The following SHCBP1 variants were observed in gnomAD, a reference collection of about 807,000 sequenced individuals.
SHCBP1 encodes the protein SHC SH2 domain-binding protein 1.
In SHCBP1, 60 loss-of-function variants were observed where a neutral mutation model predicts 75.1. The observed-to-expected ratio is 0.80, with a 90% CI of 0.65 to 0.99. SHCBP1 has a LOEUF of 0.99. SHCBP1 is among the 50% of genes least tolerant of loss of function. The pLI is 0.00. For synonymous variants in SHCBP1, 290 were observed against 293.2 expected, an observed-to-expected ratio of 0.99 and a Z score of 0.11; for missense variants, 709 against 809.4, an observed-to-expected ratio of 0.88 and a Z score of 1.50.
intron 4 of SHCBP1, among the ~76,000 whole-genome samples, chr16:46,615,336 T>C (rs534118122): frequency 6.6e-6 from 1 of 152,308 alleles, no homozygotes; most frequent in East Asian, 1.9e-4. Context: ...TTTTTGACTA[T>C]GTAGGGGTGG....
intron 8 of SHCBP1, 30 bp from the exon 9 acceptor site, chr16:46,599,992 ATGGG>A (rs748694786): frequency 6.2e-7 from 1 of 1,609,272 alleles, no homozygotes; most frequent in East Asian, 2.2e-5. Flanking sequence ...AACACTCAAG[ATGGG>A]TGAGGAAAAA....
At chr16:46,609,816 T>G (rs768284639) in intron 4 of SHCBP1, among the ~76,000 whole-genome samples, 2 of 152,068 alleles carry the variant, frequency 1.3e-5, no homozygotes, top group Non-Finnish European at 2.9e-5. Flanking sequence ...ATCCTAAACA[T>G]ATACAACAAC....
At chr16:46,591,432 C>A (rs1308123899) in intron 10 of SHCBP1, among the ~76,000 whole-genome samples, 1 of 152,078 alleles carries the variant, frequency 6.6e-6, no homozygotes, top group Admixed American at 6.6e-5. Context: ...CAGAGACAGA[C>A]ATAATCATAA....
intron 4 of SHCBP1, among the ~76,000 whole-genome samples, chr16:46,611,891 C>A (rs979603303): frequency 2.0e-5 from 3 of 152,298 alleles, no homozygotes; most frequent in African/African-American, 7.2e-5. Context: ...CTGTCTAGAA[C>A]CTTTATTTCA....
intron 10 of SHCBP1, chr16:46,584,299 CCACACACA>C (rs71158873): frequency 0.093 from 22,226 of 239,082 alleles, 221 homozygotes; most frequent in East Asian, 0.22. Flanking sequence ...ATTTTCAAAA[CCACACACA>C]CACACACACA....
At chr16:46,591,118 G>A (rs1416942894) in intron 10 of SHCBP1, among the ~76,000 whole-genome samples, 1 of 152,146 alleles carries the variant, frequency 6.6e-6, no homozygotes, top group Non-Finnish European at 1.5e-5. Flanking sequence ...ATTGAACAAT[G>A]AGAACACTTG....
At chr16:46,584,137 G>A (rs1260807144) in intron 10 of SHCBP1, 48 bp from the exon 11 acceptor site, 5 of 1,343,288 alleles carry the variant, frequency 3.7e-6, no homozygotes, top group Non-Finnish European at 5.2e-6. Flanking sequence ...TAAAAGGCAA[G>A]ACTATAAGAG....
chr16:46,600,996 ACT>A (rs1205713525), intron 8 of SHCBP1, among the ~76,000 whole-genome samples: 4 of 131,382 alleles, frequency 3.0e-5, no homozygotes, highest in South Asian at 4.8e-4. Flanking sequence ...GGTGACAGTG[ACT>A]CTGTCTCAAA....
At chr16:46,607,364 T>G (rs1490334943) in intron 5 of SHCBP1, among the ~76,000 whole-genome samples, 3 of 152,122 alleles carry the variant, frequency 2.0e-5, no homozygotes, top group Non-Finnish European at 2.9e-5. Flanking sequence ...AAAAAAGTTG[T>G]CTTCCTCCTT....
chr16:46,620,423 TTCC>T (rs1449063470), intron 1 of SHCBP1: 3 of 152,214 alleles, frequency 2.0e-5, no homozygotes, highest in Non-Finnish European at 4.4e-5. Context: ...TTTCTGAAAC[TTCC>T]TCTTTTTTAG....
chr16:46,614,021 A>G (rs1226701392), intron 4 of SHCBP1, among the ~76,000 whole-genome samples: 3 of 152,172 alleles, frequency 2.0e-5, no homozygotes, highest in African/African-American at 4.8e-5. Context: ...TAGCTCCCTG[A>G]TTCCTAATTT....
At chr16:46,617,102 G>C (rs192974496) in intron 3 of SHCBP1, among the ~76,000 whole-genome samples, 2 of 152,310 alleles carry the variant, frequency 1.3e-5, no homozygotes, top group African/African-American at 4.8e-5. Flanking sequence ...CTAGTGAGAA[G>C]AAGAATAAGA....
chr16:46,581,680 G>A lies in SHCBP1; in HGVS notation c.*49C>T. ...TACAATGGCAGCAGTGATTCTTAGGGCAGCATGTGCAAAATCCAGTATTTT... is the reference window on the plus strand; with the variant it reads ...TACAATGGCAGCAGTGATTCTTAGGACAGCATGTGCAAAATCCAGTATTTT... On this transcript the variant is annotated 3_prime_UTR_variant, in exon 13 of 13. Coordinates refer to ENST00000303383, the MANE Select transcript of SHCBP1 (RefSeq NM_024745.5). 6.7e-7 allele frequency: 1 copy of A among 1,500,152 alleles called. No homozygotes were observed. Among genetic ancestry groups the A allele is most frequent in the South Asian group, 1.2e-5 (1 of 80,308 alleles). The allele number at this position is 1,500,152 out of a possible 1,614,324, so 92.9% of individuals were successfully genotyped here.
chr16:46,603,938 A>G (rs1187511849), intron 7 of SHCBP1, 37 bp downstream of exon 7: 1 of 1,569,860 alleles, frequency 6.4e-7, no homozygotes, highest in South Asian at 1.2e-5. Context: ...AATCAGAAGG[A>G]AAAAAAGCCA....
intron 8 of SHCBP1, among the ~76,000 whole-genome samples, chr16:46,602,184 C>A (rs1965249624): frequency 6.6e-6 from 1 of 152,184 alleles, no homozygotes; most frequent in South Asian, 2.1e-4. Context: ...ACTATAATAT[C>A]AGTGTTATTT....
At chr16:46,604,973 T>C (rs1965303868) in intron 5 of SHCBP1, among the ~76,000 whole-genome samples, 1 of 152,170 alleles carries the variant, frequency 6.6e-6, no homozygotes. Context: ...AAAGTAGAAA[T>C]GACTCAAACA....
intron 4 of SHCBP1, among the ~76,000 whole-genome samples, chr16:46,610,699 C>T (rs1328444560): frequency 6.6e-6 from 1 of 151,374 alleles, no homozygotes; most frequent in Non-Finnish European, 1.5e-5. Context: ...GCTGGGATTA[C>T]AGGCACGCGC....
intron 10 of SHCBP1, among the ~76,000 whole-genome samples, chr16:46,593,194 A>T (rs1965079204): frequency 6.6e-6 from 1 of 151,996 alleles, no homozygotes; most frequent in Non-Finnish European, 1.5e-5. Flanking sequence ...TGCAGATAAC[A>T]TTACTCTCTA....
intron 10 of SHCBP1, among the ~76,000 whole-genome samples, chr16:46,588,714 C>T (rs1037808053): frequency 5.3e-5 from 8 of 152,192 alleles, no homozygotes; most frequent in South Asian, 4.1e-4. Flanking sequence ...TAGGACCAGA[C>T]GGATTCACAG....
Sources: gnomAD v4.1 joint callset for allele counts (sites outside exome capture counted in the v4.1 genomes callset) on GRCh38, gnomAD v4.1.1 for gene constraint, MANE v1.5 for transcripts, NCBI Gene and HGNC (gene_info 2026-07-23, HGNC 2026-07-21) for gene names.